ITPR2: variants seen among roughly 807,000 people sequenced by gnomAD.
The protein encoded by ITPR2 is inositol 1,4,5-trisphosphate-gated calcium channel ITPR2.
ITPR2 carries 207 observed loss-of-function variants against 317.1 expected under a neutral mutation model. The ratio of observed to expected loss-of-function variants is 0.65; its 90% CI spans 0.58 to 0.73. ITPR2 has a LOEUF of 0.73. Among genes scored for constraint, ITPR2 ranks in the 30% least tolerant of loss-of-function variants. The probability of loss-of-function intolerance (pLI) is 0.00; values close to 1 mark genes in which losing one functional copy is unlikely to be tolerated. For missense variants in ITPR2, 2,613 were observed against 3,284.0 expected (o/e 0.80, Z 4.99); for synonymous variants, 1,156 against 1,149.1 (o/e 1.01, Z -0.12).
intron 37 of ITPR2, among the ~76,000 whole-genome samples, chr12:26,525,470 A>G (rs1367353243): frequency 2.0e-5 from 3 of 152,194 alleles, no homozygotes; most frequent in Admixed American, 6.6e-5. Context: ...CAGCAGGATT[A>G]ATCTTATAGA....
At chr12:26,536,381 T>C (rs1480541105) in intron 37 of ITPR2, among the ~76,000 whole-genome samples, 1 of 152,098 alleles carries the variant, frequency 6.6e-6, no homozygotes, top group Non-Finnish European at 1.5e-5. Context: ...GACAGTTTGT[T>C]AGTCCCCTGT....
chr12:26,345,976 A>C (rs1938295118), intron 55 of ITPR2, among the ~76,000 whole-genome samples: 1 of 152,270 alleles, frequency 6.6e-6, no homozygotes, highest in South Asian at 2.1e-4. Flanking sequence ...GACTTTGGTC[A>C]AAATGAAATA....
intron 2 of ITPR2, among the ~76,000 whole-genome samples, chr12:26,726,571 C>T (rs1430546934): frequency 6.6e-6 from 1 of 152,114 alleles, no homozygotes; most frequent in African/African-American, 2.4e-5. Flanking sequence ...ACCTTATTTT[C>T]ATTTTTCTCA....
chr12:26,628,519 G>A (rs1290059542), intron 22 of ITPR2, among the ~76,000 whole-genome samples: 1 of 152,176 alleles, frequency 6.6e-6, no homozygotes, highest in African/African-American at 2.4e-5. Context: ...GACTGTTGGA[G>A]GTGTGACCCT....
At chr12:26,632,086 A>C in intron 21 of ITPR2, 27 bp from the exon 22 acceptor site, 6 of 1,504,880 alleles carry the variant, frequency 4.0e-6, no homozygotes, top group Non-Finnish European at 5.3e-6. Context: ...CCGTAAGTCA[A>C]CACACACAAC....
In ITPR2 at chr12:26,598,534, C is replaced by T. The variant is rs139761275; in HGVS notation, c.4002+611G>A. The stretch of plus-strand genomic sequence containing the variant: ...CTTCTCCAATGTATCATACTTGCTT[C>T]CTAGTAACTTACTCATTACATAAAT... On this transcript the variant is annotated intron_variant, in intron 30 of 56. Transcript: ENST00000381340. Among the ~76,000 whole-genome samples the T allele has an allele frequency of 1.4e-4, 22 of 152,256 alleles. No homozygotes were observed. In the South Asian group the frequency reaches 1.5e-3, roughly 10 times the overall value.
chr12:26,768,842 G>T (rs569466417), intron 2 of ITPR2, among the ~76,000 whole-genome samples: 10 of 152,200 alleles, frequency 6.6e-5, no homozygotes, highest in African/African-American at 2.4e-4. Flanking sequence ...TCTAAACAGA[G>T]CTGAAGCTTC....
rs144063812 is a variant in ITPR2, at chr12:26,749,427, C to T, written c.164-23662G>A. On this transcript the variant is annotated intron_variant, in intron 2 of 56. Coordinates refer to ENST00000381340, the MANE Select transcript of ITPR2 (RefSeq NM_002223.4). The stretch of plus-strand genomic sequence containing the variant: ...TCTAGTAATCATAAGGTTTCAATCA[C>T]TATTTTTTTTCTCCTGAAGAAACAA... Among the ~76,000 whole-genome samples, 145 of 152,298 alleles carry T rather than the reference C, an allele frequency of 9.5e-4. 1 individual carries two copies. The highest frequency in any genetic ancestry group is 3.4e-3 in the African/African-American group (143 of 41,582).
At chr12:26,614,781 G>A (rs550671111) in intron 26 of ITPR2, among the ~76,000 whole-genome samples, 1 of 152,270 alleles carries the variant, frequency 6.6e-6, no homozygotes, top group East Asian at 1.9e-4. Context: ...ATCAGTGGTT[G>A]GCAGGGACTC....
chr12:26,675,350 T>C (rs1158669697), intron 13 of ITPR2, among the ~76,000 whole-genome samples: 1 of 152,188 alleles, frequency 6.6e-6, no homozygotes, highest in African/African-American at 2.4e-5. Flanking sequence ...ATATACACCA[T>C]GGAATACTAT....
At chr12:26,474,610 G>A (rs142414311) in intron 45 of ITPR2, among the ~76,000 whole-genome samples, 9,472 of 151,516 alleles carry the variant, frequency 0.063, 414 homozygotes, top group Non-Finnish European at 0.087. Flanking sequence ...CGGCTAAAGC[G>A]GTGAAACCCC....
intron 32 of ITPR2, among the ~76,000 whole-genome samples, chr12:26,590,523 GAC>G (rs1945671630): frequency 6.6e-6 from 1 of 152,154 alleles, no homozygotes; most frequent in Non-Finnish European, 1.5e-5. Flanking sequence ...CTGGGGAAAA[GAC>G]AGTCTCTTCA....
At chr12:26,583,915 T>C (rs1014232147) in intron 32 of ITPR2, among the ~76,000 whole-genome samples, 1 of 152,202 alleles carries the variant, frequency 6.6e-6, no homozygotes, top group Non-Finnish European at 1.5e-5. Context: ...TTTGAAATAT[T>C]TGTCTTCTTC....
chr12:26,826,006 T>C (rs1027318488), intron 1 of ITPR2, among the ~76,000 whole-genome samples: 2 of 152,256 alleles, frequency 1.3e-5, no homozygotes, highest in Admixed American at 1.3e-4. Flanking sequence ...ACAGCCATCA[T>C]TTGGAAGAGT....
intron 45 of ITPR2, among the ~76,000 whole-genome samples, chr12:26,449,391 A>C (rs1293399994): frequency 1.3e-5 from 2 of 152,182 alleles, no homozygotes; most frequent in Non-Finnish European, 2.9e-5. Flanking sequence ...TCCTATTTTC[A>C]AAACATCTAC....
intron 36 of ITPR2, among the ~76,000 whole-genome samples, chr12:26,550,699 TATTAC>T (rs1944502975): frequency 7.7e-6 from 1 of 130,320 alleles, no homozygotes; most frequent in African/African-American, 2.5e-5. Flanking sequence ...ATTTATATTA[TATTAC>T]ATTTTATTAT....
chr12:26,396,022 A>AT (rs539370820), intron 54 of ITPR2, among the ~76,000 whole-genome samples: 1 of 152,184 alleles, frequency 6.6e-6, no homozygotes, highest in Non-Finnish European at 1.5e-5. Context: ...TCATTTAAAA[A>AT]TTTTTTTATG....
intron 47 of ITPR2, among the ~76,000 whole-genome samples, chr12:26,438,795 C>T (rs981628827): frequency 2.6e-5 from 4 of 152,156 alleles, no homozygotes; most frequent in Non-Finnish European, 5.9e-5. Context: ...ACTGATAGGC[C>T]AGTCAGGGCC....
At chr12:26,548,191 C>T (rs937918013) in intron 37 of ITPR2, among the ~76,000 whole-genome samples, 1 of 152,178 alleles carries the variant, frequency 6.6e-6, no homozygotes, top group Non-Finnish European at 1.5e-5. Context: ...TTGATAAGTA[C>T]TACCCAGTAG....
Sources: allele counts gnomAD v4.1 joint callset (sites outside exome capture counted in the v4.1 genomes callset), GRCh38; gene constraint gnomAD v4.1.1; transcripts MANE v1.5; gene names NCBI Gene and HGNC (gene_info 2026-07-23, HGNC 2026-07-21).